The following DPYD variants were observed in gnomAD, a reference collection of about 807,000 sequenced individuals.
The protein encoded by DPYD is dihydropyrimidine dehydrogenase [NADP(+)].
Under a neutral mutation model 116.2 loss-of-function variants are expected in DPYD, and 109 were observed. That is an observed-to-expected ratio of 0.94 (90% confidence interval 0.80 to 1.10). DPYD has a LOEUF of 1.10. DPYD is among the 50% of genes least tolerant of loss of function. The pLI is 0.00. For synonymous variants in DPYD, 440 were observed against 432.0 expected (o/e 1.02, Z -0.23); for missense variants, 1,302 against 1,254.5 (o/e 1.04, Z -0.57).
At chr1:97,750,253 G>T (rs900271165) in intron 3 of DPYD, among the ~76,000 whole-genome samples, 1 of 151,896 alleles carries the variant, frequency 6.6e-6, no homozygotes, top group Non-Finnish European at 1.5e-5. Context: ...GATTTAGAGT[G>T]CATGTACCCT....
At chr1:97,824,833 T>C (rs1669152082) in intron 3 of DPYD, among the ~76,000 whole-genome samples, 1 of 152,208 alleles carries the variant, frequency 6.6e-6, no homozygotes, top group African/African-American at 2.4e-5. Flanking sequence ...TCCTTCTTTC[T>C]TATCCCAATG....
At chr1:97,442,024 T>C (rs182204969) in intron 14 of DPYD, among the ~76,000 whole-genome samples, 77 of 152,308 alleles carry the variant, frequency 5.1e-4, no homozygotes, top group African/African-American at 1.7e-3. Context: ...CAGATATATG[T>C]AAGAACCAAG....
chr1:97,356,287 T>C (rs1558051391), intron 16 of DPYD, among the ~76,000 whole-genome samples: 1 of 152,234 alleles, frequency 6.6e-6, no homozygotes, highest in Non-Finnish European at 1.5e-5. Context: ...ATTTCTTTTC[T>C]TTCCAAAGAG....
At chr1:97,898,565 A>C (rs1042161870) in intron 1 of DPYD, among the ~76,000 whole-genome samples, 1 of 151,846 alleles carries the variant, frequency 6.6e-6, no homozygotes, top group Non-Finnish European at 1.5e-5. Flanking sequence ...TGTTTCATAT[A>C]TTTTGTTTCT....
intron 16 of DPYD, among the ~76,000 whole-genome samples, chr1:97,344,374 A>C (rs1045952860): frequency 1.3e-5 from 2 of 151,902 alleles, no homozygotes; most frequent in Non-Finnish European, 2.9e-5. Flanking sequence ...AATAAAACAC[A>C]CAGGTGTTGA....
At chr1:97,337,453 C>T (rs1267934586) in intron 16 of DPYD, among the ~76,000 whole-genome samples, 1 of 152,112 alleles carries the variant, frequency 6.6e-6, no homozygotes, top group Non-Finnish European at 1.5e-5. Context: ...CACTCTCCAT[C>T]CTTCTGCCCT....
At chr1:97,583,877 T>C (rs1218161927) in intron 10 of DPYD, among the ~76,000 whole-genome samples, 1 of 152,182 alleles carries the variant, frequency 6.6e-6, no homozygotes, top group South Asian at 2.1e-4. Flanking sequence ...TAAACATACA[T>C]GTGCATGTGT....
chr1:97,304,941 A>G (rs1667069499), intron 18 of DPYD, among the ~76,000 whole-genome samples: 1 of 151,810 alleles, frequency 6.6e-6, no homozygotes, highest in South Asian at 2.1e-4. Flanking sequence ...GGGTACTTAT[A>G]TTTTTCTCTC....
At chr1:97,736,850 T>TTGTGTGTGTGTGTGTG (rs71590232) in intron 4 of DPYD, among the ~76,000 whole-genome samples, 10 of 142,106 alleles carry the variant, frequency 7.0e-5, no homozygotes, top group African/African-American at 2.4e-4. Context: ...GTGTGTGCAT[T>TTGTGTGTGTGTGTGTG]TGTGTGTGTG....
rs534329973 is a variant in DPYD, at chr1:97,532,754, T to C, written c.1524+16806A>G. Among the ~76,000 whole-genome samples, 5 of 152,180 alleles carry C rather than the reference T, an allele frequency of 3.3e-5. No homozygotes were observed. In the East Asian group the frequency reaches 9.6e-4, roughly 29 times the overall value. The stretch of plus-strand genomic sequence containing the variant: ...CCGATTTTATTTTTGAATACTCTTT[T>C]TTTTTCTTGGTTCAGATAACAAATT... On this transcript the variant is annotated intron_variant, in intron 12 of 22. Coordinates refer to ENST00000370192, the MANE Select transcript of DPYD (RefSeq NM_000110.4).
intron 8 of DPYD, among the ~76,000 whole-genome samples, chr1:97,644,805 A>G (rs1273525470): frequency 6.6e-6 from 1 of 151,940 alleles, no homozygotes; most frequent in African/African-American, 2.4e-5. Flanking sequence ...ACATTCTGGA[A>G]TAATTAATAT....
chr1:97,716,506 TA>T (rs1342320706), intron 5 of DPYD, among the ~76,000 whole-genome samples: 1 of 152,040 alleles, frequency 6.6e-6, no homozygotes, highest in East Asian at 1.9e-4. Flanking sequence ...TCTTACTGTA[TA>T]AAATCAGAGT....
At chr1:97,428,719 G>C (rs1271758691) in intron 14 of DPYD, among the ~76,000 whole-genome samples, 1 of 150,594 alleles carries the variant, frequency 6.6e-6, no homozygotes, top group African/African-American at 2.4e-5. Context: ...ACAGACACAA[G>C]TGATTCAGAT....
chr1:97,106,227 G>T (rs1050600271), intron 20 of DPYD, among the ~76,000 whole-genome samples: 1 of 152,062 alleles, frequency 6.6e-6, no homozygotes, highest in Non-Finnish European at 1.5e-5. Context: ...TTTCAAAGCT[G>T]TTATAGTAGA....
intron 16 of DPYD, among the ~76,000 whole-genome samples, chr1:97,310,200 C>T (rs1334926555): frequency 6.6e-6 from 1 of 151,722 alleles, no homozygotes; most frequent in Non-Finnish European, 1.5e-5. Context: ...ATGTTTTTCA[C>T]TAAGCAACTC....
chr1:97,813,952 ACACC>A (rs1395832748), intron 3 of DPYD, among the ~76,000 whole-genome samples: 3 of 125,056 alleles, frequency 2.4e-5, no homozygotes, highest in East Asian at 2.4e-4. Context: ...ACACACACAC[ACACC>A]CCTAAAATTT....
chr1:97,495,184 G>C (rs1253596643), intron 13 of DPYD, among the ~76,000 whole-genome samples: 3 of 152,110 alleles, frequency 2.0e-5, no homozygotes, highest in African/African-American at 7.2e-5. Context: ...AGAAAGTTAA[G>C]ATGAGAGAGG....
At chr1:97,633,282 A>G (rs1171144227) in intron 8 of DPYD, among the ~76,000 whole-genome samples, 1 of 152,120 alleles carries the variant, frequency 6.6e-6, no homozygotes, top group Non-Finnish European at 1.5e-5. Flanking sequence ...AGACAGAAAT[A>G]TAAAGTAGCA....
chr1:97,237,396 TC>T (rs531113106), intron 18 of DPYD, among the ~76,000 whole-genome samples: 241 of 152,222 alleles, frequency 1.6e-3, no homozygotes, highest in South Asian at 3.7e-3. Flanking sequence ...CTCCCACACC[TC>T]AAACATCTTC....
Sources: allele counts gnomAD v4.1 joint callset (sites outside exome capture counted in the v4.1 genomes callset), GRCh38; gene constraint gnomAD v4.1.1; transcripts MANE v1.5; gene names NCBI Gene and HGNC (gene_info 2026-07-23, HGNC 2026-07-21).